The following SLFN12 variants were observed in gnomAD, a reference collection of about 807,000 sequenced individuals.
SLFN12 encodes ribonuclease SLFN12.
In SLFN12, 25 loss-of-function variants were observed where a neutral mutation model predicts 29.1. The ratio of observed to expected loss-of-function variants is 0.86; its 90% CI spans 0.63 to 1.20. The LOEUF is 1.20. Ranked by LOEUF, SLFN12 falls within the 50% of genes most tolerant of loss-of-function variation. The pLI is 0.00. For synonymous variants in SLFN12, 257 were observed against 238.7 expected (o/e 1.08, Z -0.71); for missense variants, 660 against 666.2 (o/e 0.99, Z 0.10).
chr17:35,422,851 T>C lies in SLFN12; in HGVS notation c.178A>G (p.Lys60Glu). The C allele has an allele frequency of 6.2e-7, 1 of 1,614,012 alleles. No individual in the cohort carries two copies. The highest frequency in any genetic ancestry group is 8.5e-7 in the Non-Finnish European group (1 of 1,179,964). ...ALLNSGGGVI[K>E]AEIENEDYSY... is the part of the protein sequence containing the mutation. ...TAGTCTTCATTCTCAATTTCAGCCT[T>C]GATCACTCCCCCTCCAGAATTGAGC... is the stretch of plus-strand genomic sequence containing the variant. Residue 60 changes from lysine to glutamate, a missense_variant, in exon 2 of 4, where the codon AAG (lysine) becomes GAG (glutamate). Physicochemically the swap from Lys to Glu is moderately conservative, Grantham distance 56. Transcript: ENST00000304905.
intron 1 of SLFN12, chr17:35,431,785 A>G (rs1912331492): frequency 6.6e-6 from 1 of 152,146 alleles, no homozygotes; most frequent in African/African-American, 2.4e-5. Flanking sequence ...ATGAACTTTA[A>G]TGATATGAAA....
intron 1 of SLFN12, among the ~76,000 whole-genome samples, chr17:35,426,598 T>C (rs1483253658): frequency 6.6e-6 from 1 of 152,196 alleles, no homozygotes; most frequent in Non-Finnish European, 1.5e-5. Flanking sequence ...CAATTTACTT[T>C]CTTCTTTTGA....
At chr17:35,421,534 CTTTT>C (rs770181686) in intron 2 of SLFN12, among the ~76,000 whole-genome samples, 3 of 104,294 alleles carry the variant, frequency 2.9e-5, no homozygotes, top group Admixed American at 1.0e-4. Flanking sequence ...AGGCAGGGAA[CTTTT>C]TTTTTTTTTT....
intron 1 of SLFN12, among the ~76,000 whole-genome samples, chr17:35,424,830 T>A (rs1911906152): frequency 6.6e-6 from 1 of 152,090 alleles, no homozygotes. Context: ...GCCTGTTTTT[T>A]ATTTTATTAA....
intron 3 of SLFN12, among the ~76,000 whole-genome samples, chr17:35,413,274 A>G (rs936132648): frequency 1.6e-5 from 2 of 127,798 alleles, no homozygotes; most frequent in Non-Finnish European, 3.0e-5. Flanking sequence ...AGACTCTTCC[A>G]AAAAAATTGA....
In SLFN12 at chr17:35,432,497, C is replaced by G. The variant is rs1206910722; in HGVS notation, c.-350G>C. 1.3e-5 allele frequency: 2 copies of G among 152,114 alleles called. No individual in the cohort carries two copies. The highest frequency in any genetic ancestry group is 2.9e-5 in the Non-Finnish European group (2 of 68,050). The allele number at this position is 152,114 out of a possible 1,614,324, so 9.4% of individuals were successfully genotyped here. On this transcript the variant is annotated 5_prime_UTR_variant, in exon 1 of 4. Coordinates refer to ENST00000304905, the MANE Select transcript of SLFN12 (RefSeq NM_018042.5). Reference sequence around the variant, plus strand: ...AGTCTGAATGGTTGCAGAAAGCGATCAATGGGAGGCTGAAGTGAAGTTACA... The same window carrying G: ...AGTCTGAATGGTTGCAGAAAGCGATGAATGGGAGGCTGAAGTGAAGTTACA...
At chr17:35,431,658 G>C (rs1081735) in intron 1 of SLFN12, among the ~76,000 whole-genome samples, 104,160 of 151,852 alleles carry the variant, frequency 0.69, 35,971 homozygotes, top group East Asian at 0.73. Context: ...CCTCCAGAGG[G>C]GATGGCCTAC....
Position 35,422,181 on chromosome 17 carries a change from A to ATCT in SLFN12, c.845_847dup (p.Lys282dup). On this transcript the variant is annotated inframe_insertion, in exon 2 of 4. Transcript: ENST00000304905. ...TCCAAGGAATTTGCATGAATAATTT[A>ATCT]TCTTCTTCTTCTCCATACAGAAGTG... 3.1e-6 allele frequency: 5 copies of ATCT among 1,614,126 alleles called. No homozygotes were observed. The highest frequency in any genetic ancestry group is 4.2e-6 in the Non-Finnish European group (5 of 1,179,986).
At chr17:35,421,070 G>A (rs62078105) in intron 2 of SLFN12, among the ~76,000 whole-genome samples, 2,794 of 151,674 alleles carry the variant, frequency 0.018, 35 homozygotes, top group South Asian at 0.039. Flanking sequence ...TTAGCTGGGC[G>A]TGGTGGCGGG....
rs1261509155 is a variant in SLFN12, at chr17:35,421,600, CG to C, written c.1039+389del. 3.0e-5 allele frequency among the ~76,000 whole-genome samples: 4 copies of C among 131,846 alleles called. No homozygotes were observed. The Admixed American group carries it at 3.5e-4, about 11-fold the overall frequency. 86.5% of individuals were successfully genotyped at this position (131,846 alleles called of 152,430 possible). ...TGTTGCCCAGGCTGGAGTGCAGTGG[CG>C]CAATCTCCGCCCACTGCAACCTCCG... On this transcript the variant is annotated intron_variant, in intron 2 of 3. Transcript: ENST00000304905.
intron 1 of SLFN12, among the ~76,000 whole-genome samples, chr17:35,425,838 CTTTT>C (rs58492425): frequency 0.027 from 1,058 of 39,126 alleles, 8 homozygotes; most frequent in African/African-American, 0.11. Flanking sequence ...CTTTTCTTTT[CTTTT>C]TTTTTTTTTT....
intron 3 of SLFN12, among the ~76,000 whole-genome samples, chr17:35,412,323 T>C (rs934232291): frequency 2.0e-5 from 3 of 152,108 alleles, no homozygotes; most frequent in African/African-American, 7.2e-5. Context: ...AAAGTCTACA[T>C]ACAAATTTCC....
chr17:35,429,975 G>A lies in SLFN12; in HGVS notation c.-41+2213C>T, dbSNP rs1415122363. 8.5e-5 allele frequency among the ~76,000 whole-genome samples: 13 copies of A among 152,082 alleles called. No individual in the cohort carries two copies. In the South Asian group the frequency reaches 1.7e-3, roughly 19 times the overall value. ...ACCCACCAAGCCTGGCCTGACCATA[G>A]AGCACTCTGCCCTCCCTGCCTCTCT... On this transcript the variant is annotated intron_variant, in intron 1 of 3. Coordinates refer to ENST00000304905, the MANE Select transcript of SLFN12 (RefSeq NM_018042.5).
chr17:35,422,718 A>G lies in SLFN12; in HGVS notation c.311T>C (p.Leu104Pro). ...LDFMQNGNYF[L>P]IFVKSWSLNT... ...CAAGCTCCATGACTTCACAAAAATC[A>G]GAAAGTAGTTACCATTCTGCATGAA... The change falls in exon 2 of 4, where the codon CTG (leucine) becomes CCG (proline). Residue 104 changes from leucine to proline, a missense_variant. Physicochemically the swap from Leu to Pro is moderately conservative, Grantham distance 98. Transcript: ENST00000304905. 6.2e-7 allele frequency: 1 copy of G among 1,614,164 alleles called. No homozygotes were observed. Among genetic ancestry groups the G allele is most frequent in the Non-Finnish European group, 8.5e-7 (1 of 1,180,008 alleles).
intron 1 of SLFN12, among the ~76,000 whole-genome samples, chr17:35,423,547 T>C (rs760686755): frequency 2.4e-4 from 36 of 152,146 alleles, no homozygotes; most frequent in Admixed American, 1.3e-4. Flanking sequence ...ACATCCAACA[T>C]GTCATGTTAA....
chr17:35,419,361 G>T (rs8072782), intron 3 of SLFN12, among the ~76,000 whole-genome samples: 14,150 of 151,956 alleles, frequency 0.093, 2,072 homozygotes, highest in African/African-American at 0.31. Flanking sequence ...TTTGGTAGTC[G>T]TTAATACCTA....
In SLFN12 at chr17:35,425,838, C is replaced by CTTTTTTTTTTTTTTTTTTTTTTTTTT. The variant is rs58492425; in HGVS notation, c.-40-2796_-40-2771dup. The stretch of plus-strand genomic sequence containing the variant: ...GGTTCTTTTTCTTTTCTTTTCTTTT[C>CTTTTTTTTTTTTTTTTTTTTTTTTTT]TTTTTTTTTTTTTTTTTTTTTTTTT... On this transcript the variant is annotated intron_variant, in intron 1 of 3. Transcript: ENST00000304905. 3.1e-4 allele frequency among the ~76,000 whole-genome samples: 12 copies of CTTTTTTTTTTTTTTTTTTTTTTTTTT among 39,142 alleles called. 1 individual carries two copies. Among genetic ancestry groups the CTTTTTTTTTTTTTTTTTTTTTTTTTT allele is most frequent in the Admixed American group, 7.5e-4 (2 of 2,678 alleles). 25.7% of individuals were successfully genotyped at this position (39,142 alleles called of 152,430 possible). A position where few individuals can be genotyped will look rare whatever the true frequency, so the allele number is the denominator to read the frequency against.
Position 35,422,003 on chromosome 17 carries a change from C to T in SLFN12, c.1026G>A (p.Val342=). 1 of 1,613,280 alleles carries T rather than the reference C, an allele frequency of 6.2e-7. No homozygotes were observed. The highest frequency in any genetic ancestry group is 8.5e-7 in the Non-Finnish European group (1 of 1,179,412). Residue 342 remains valine, a synonymous_variant, in exon 2 of 4, where the codon GTG becomes GTA. Coordinates refer to ENST00000304905, the MANE Select transcript of SLFN12 (RefSeq NM_018042.5). ...LTRKEWIQFM[V]EAEPKFSSSY... is the part of the protein sequence containing the mutation. Reference sequence around the variant, plus strand: ...CCCGCTCTCAACTTGGTTCAGCCTCCACCATGAACTGGATCCATTCCTTCC... The same window carrying T: ...CCCGCTCTCAACTTGGTTCAGCCTCTACCATGAACTGGATCCATTCCTTCC...
At chr17:35,421,783 G>A (rs920750299) in intron 2 of SLFN12, among the ~76,000 whole-genome samples, 2 of 151,772 alleles carry the variant, frequency 1.3e-5, no homozygotes, top group Non-Finnish European at 2.9e-5. Flanking sequence ...CTCGTGATCC[G>A]CCCGCCTTGG....
Sources: gnomAD v4.1 joint callset for allele counts (sites outside exome capture counted in the v4.1 genomes callset) on GRCh38, gnomAD v4.1.1 for gene constraint, MANE v1.5 for transcripts, NCBI Gene and HGNC (gene_info 2026-07-23, HGNC 2026-07-21) for gene names.